Variants in UGT1A5 observed in about 807,000 individuals in gnomAD.
UGT1A5 encodes the protein UDP-glucuronosyltransferase 1A5.
A neutral mutation model predicts 40.3 loss-of-function variants in UGT1A5; 29 were observed. The ratio of observed to expected loss-of-function variants is 0.72; its 90% CI spans 0.54 to 0.98. The LOEUF (loss-of-function observed/expected upper bound fraction) is 0.98, where lower values mean the gene tolerates loss of function less well. UGT1A5 is among the 50% of genes least tolerant of loss of function. The pLI is 0.00. For missense variants in UGT1A5, 678 were observed against 677.9 expected, an observed-to-expected ratio of 1.00 and a Z score of 0.00; for synonymous variants, 257 against 262.5, an observed-to-expected ratio of 0.98 and a Z score of 0.20.
At position 233,713,302 on chromosome 2, in the gene UGT1A5, A is replaced by G. The variant is rs750198016; in HGVS notation, c.311A>G (p.Glu104Gly). The G allele has an allele frequency of 6.2e-6, 10 of 1,614,126 alleles. No individual in the cohort carries two copies. In the Admixed American group the frequency reaches 1.7e-4, roughly 27 times the overall value. ...LGHTQSFFET[E>G]HLLMKFSRRM... The stretch of plus-strand genomic sequence containing the variant: ...CACACTCAATCGTTCTTTGAAACAG[A>G]ACATCTTCTGATGAAATTTTCTAGA... Residue 104 changes from glutamate (E) to glycine (G), a missense_variant, in exon 1 of 5, where the codon GAA (glutamate) becomes GGA (glycine). Transcript: ENST00000373414.
intron 1 of UGT1A5, chr2:233,739,149 C>T (rs912480643): frequency 6.6e-6 from 1 of 152,208 alleles, no homozygotes; most frequent in African/African-American, 2.4e-5. Context: ...TGGGAACCTC[C>T]ACATAAATTT....
rs553041215 is a variant in UGT1A5 at position 233,713,587 on chromosome 2, C to T, written c.596C>T (p.Thr199Met). ...NPSSYIPRLL[T>M]TNSDHMTFLQ... ...TCCTCCTATATTCCTAGATTACTAA[C>T]GACCAATTCAGACCACATGACATTC... Residue 199 changes from threonine (T) to methionine (M), a missense_variant, in exon 1 of 5, where the codon ACG (threonine) becomes ATG (methionine). By Grantham distance (81) the Thr-to-Met change is moderately conservative (BLOSUM62 -1). Transcript: ENST00000373414. The T allele has an allele frequency of 4.3e-6, 7 of 1,613,978 alleles. No individual in the cohort carries two copies. Among genetic ancestry groups the T allele is most frequent in the East Asian group, 2.2e-5 (1 of 44,882 alleles).
intron 2 of UGT1A5, 137 bp downstream of exon 2, chr2:233,767,302 A>C (rs951994488): frequency 6.5e-7 from 1 of 1,534,936 alleles, no homozygotes; most frequent in Non-Finnish European, 8.7e-7. Context: ...TATTAATCCA[A>C]AGGTTTTTTT....
chr2:233,756,447 C>T (rs1249165740), intron 1 of UGT1A5: 1 of 151,922 alleles, frequency 6.6e-6, no homozygotes, highest in Non-Finnish European at 1.5e-5. Context: ...TTGTTCCCCC[C>T]AAATATTTTC....
At chr2:233,747,473 T>A in intron 1 of UGT1A5, 2 of 1,608,772 alleles carry the variant, frequency 1.2e-6, no homozygotes, top group South Asian at 2.2e-5. Context: ...GGACCCAGGA[T>A]GAATTTGATC....
intron 1 of UGT1A5, among the ~76,000 whole-genome samples, chr2:233,719,880 G>C (rs28898611): frequency 0.021 from 3,198 of 152,256 alleles, 101 homozygotes; most frequent in African/African-American, 0.073. Context: ...GAAGAGGCAC[G>C]GATGAGGGTC....
intron 1 of UGT1A5, among the ~76,000 whole-genome samples, chr2:233,749,630 C>T (rs1185419016): frequency 6.6e-6 from 1 of 151,806 alleles, no homozygotes. Context: ...CTCTGTATCC[C>T]CCACCAAATC....
intron 1 of UGT1A5, among the ~76,000 whole-genome samples, chr2:233,715,728 C>T (rs17862871): frequency 0.1 from 15,454 of 152,176 alleles, 903 homozygotes; most frequent in East Asian, 0.2. Flanking sequence ...GCCATGTTCA[C>T]GCCACCTCAC....
chr2:233,713,930 G>C (rs1200038289), intron 1 of UGT1A5, 72 bp downstream of exon 1: 3 of 1,611,758 alleles, frequency 1.9e-6, no homozygotes, highest in Non-Finnish European at 2.5e-6. Flanking sequence ...TTACTTACAA[G>C]TGCTTCCATA....
At chr2:233,717,364 C>T (rs888449503) in intron 1 of UGT1A5, among the ~76,000 whole-genome samples, 1 of 152,218 alleles carries the variant, frequency 6.6e-6, no homozygotes. Flanking sequence ...GGGGAGTTCT[C>T]AAGCCCTTAC....
intron 1 of UGT1A5, chr2:233,743,526 C>T (rs1373846752): frequency 7.3e-7 from 1 of 1,367,230 alleles, no homozygotes; most frequent in Admixed American, 1.9e-5. Flanking sequence ...TTCTGCTTCC[C>T]CAGCAGTTCC....
At chr2:233,725,447 T>A (rs2077449709) in intron 1 of UGT1A5, among the ~76,000 whole-genome samples, 1 of 152,002 alleles carries the variant, frequency 6.6e-6, no homozygotes, top group Admixed American at 6.5e-5. Context: ...GCCACATACA[T>A]AATTTAAACT....
rs909741702 is a variant in UGT1A5, at chr2:233,769,798, T to C, written c.1307+1359T>C. On this transcript the variant is annotated intron_variant, in intron 4 of 4. Coordinates refer to ENST00000373414, the MANE Select transcript of UGT1A5 (RefSeq NM_019078.2). This position sits in a 1 kb window ranked among gnomAD's most constrained non-coding sequence, Gnocchi z 4.4. ...TGAGCCCAGAAGTTGGAGGCTGCTA[T>C]GAGCCGTGATCATGCCACTGCACTC... The C allele has an allele frequency of 8.3e-7, 1 of 1,206,032 alleles. No homozygotes were observed. The highest frequency in any genetic ancestry group is 1.6e-5 in the African/African-American group (1 of 64,426). 74.7% of individuals were successfully genotyped at this position (1,206,032 alleles called of 1,614,324 possible). A position where few individuals can be genotyped will look rare whatever the true frequency, so the allele number is the denominator to read the frequency against.
intron 1 of UGT1A5, among the ~76,000 whole-genome samples, chr2:233,764,386 G>A (rs141556907): frequency 3.9e-5 from 6 of 152,290 alleles, no homozygotes; most frequent in Non-Finnish European, 7.4e-5. Context: ...GGAGTTGGCC[G>A]TGATGACAAC....
chr2:233,747,970 C>G, intron 1 of UGT1A5: 5 of 1,613,476 alleles, frequency 3.1e-6, no homozygotes, highest in Non-Finnish European at 4.2e-6. Flanking sequence ...AGCCATGCAT[C>G]TGTGTGGCTG....
intron 1 of UGT1A5, among the ~76,000 whole-genome samples, chr2:233,765,461 A>G (rs963338723): frequency 3.9e-5 from 6 of 152,204 alleles, no homozygotes; most frequent in Non-Finnish European, 8.8e-5. Flanking sequence ...TTGCAAGGAC[A>G]TGGATGAAGC....
intron 1 of UGT1A5, among the ~76,000 whole-genome samples, chr2:233,733,673 A>G (rs1046219304): frequency 2.0e-5 from 3 of 152,206 alleles, no homozygotes; most frequent in African/African-American, 7.2e-5. Context: ...ATCGATGTGG[A>G]TAAACTTTTT....
At chr2:233,744,133 C>T in intron 1 of UGT1A5, 1 of 354,200 alleles carries the variant, frequency 2.8e-6, no homozygotes, top group Non-Finnish European at 5.4e-6. Context: ...TCTGTGAGGC[C>T]CTGTGATGCT....
In UGT1A5 at chr2:233,719,788, G is replaced by T. The variant is rs184331208; in HGVS notation, c.867+5930G>T. 800 of 1,609,458 alleles carry T rather than the reference G, an allele frequency of 5.0e-4. 15 individuals are homozygous for T. The East Asian group carries it at 0.012, about 25-fold the overall frequency. On this transcript the variant is annotated intron_variant, in intron 1 of 4. Transcript: ENST00000373414. ...TTCCATATCTACTTATCTTTCCAAA[G>T]ATTTTATTTTGGCTTCTTTATAACA...
Sources: allele counts gnomAD v4.1 joint callset (sites outside exome capture counted in the v4.1 genomes callset), GRCh38; gene constraint gnomAD v4.1.1; non-coding constraint Gnocchi (gnomAD v3.1); transcripts MANE v1.5; gene names NCBI Gene and HGNC (gene_info 2026-07-23, HGNC 2026-07-21).